TRPC4AP: variants seen among roughly 807,000 people sequenced by gnomAD.
TRPC4AP encodes transient receptor potential cation channel subfamily C member 4 associated protein.
TRPC4AP carries 45 observed loss-of-function variants against 99.0 expected under a neutral mutation model. The ratio of observed to expected loss-of-function variants is 0.45; its 90% CI spans 0.36 to 0.58. The LOEUF is 0.58. TRPC4AP is among the 20% of genes least tolerant of loss of function. The probability of loss-of-function intolerance (pLI) is 0.00; values close to 1 mark genes in which losing one functional copy is unlikely to be tolerated. For missense variants in TRPC4AP, 879 were observed against 985.3 expected (o/e 0.89, Z 1.44); for synonymous variants, 408 against 385.8 (o/e 1.06, Z -0.67).
intron 7 of TRPC4AP, among the ~76,000 whole-genome samples, chr20:35,043,769 G>A (rs918800097): frequency 2.0e-5 from 3 of 152,248 alleles, no homozygotes; most frequent in South Asian, 2.1e-4. Context: ...AGAGTTATAC[G>A]AATGTGGTCT....
intron 15 of TRPC4AP, 66 bp from the exon 16 acceptor site, chr20:35,005,869 G>T: frequency 1.4e-6 from 2 of 1,463,288 alleles, no homozygotes; most frequent in East Asian, 2.3e-5. Flanking sequence ...GGCCCGGGGG[G>T]ATAGTCACTA....
At chr20:35,091,907 C>A (rs1185080270) in intron 1 of TRPC4AP, among the ~76,000 whole-genome samples, 1 of 152,120 alleles carries the variant, frequency 6.6e-6, no homozygotes, top group Non-Finnish European at 1.5e-5. Context: ...ACAGAAAGGT[C>A]ACCTGCCCAA....
chr20:35,092,732 C>G lies in TRPC4AP; in HGVS notation c.50G>C (p.Arg17Pro). 2 of 1,561,294 alleles carry G rather than the reference C, an allele frequency of 1.3e-6. No homozygotes were observed. Among genetic ancestry groups the G allele is most frequent in the Non-Finnish European group, 1.7e-6 (2 of 1,164,972 alleles). Residue 17 changes from arginine to proline, a missense_variant, in exon 1 of 19, where the codon CGG becomes CCG. Physicochemically the swap from Arg to Pro is moderately radical, Grantham distance 103. Transcript: ENST00000252015. ...AAGSGAGRGR[R>P]SAATVAAWGG... ...CCAAGCCGCCACTGTGGCTGCCGAC[C>G]GTCTCCCTCGGCCGGCTCCAGACCC...
chr20:35,089,961 G>C (rs936706688), intron 1 of TRPC4AP, among the ~76,000 whole-genome samples: 1 of 151,286 alleles, frequency 6.6e-6, no homozygotes. Context: ...CTCTACCAAA[G>C]ATACAAAAAT....
chr20:35,003,707 TG>T, intron 17 of TRPC4AP, 91 bp from the exon 18 acceptor site: 1 of 1,409,790 alleles, frequency 7.1e-7, no homozygotes, highest in Non-Finnish European at 9.6e-7. Flanking sequence ...GGGAGGAGAG[TG>T]GCCCCAGGCC....
chr20:35,007,696 C>T, intron 13 of TRPC4AP, 56 bp from the exon 14 acceptor site: 1 of 1,574,784 alleles, frequency 6.4e-7, no homozygotes, highest in Non-Finnish European at 8.7e-7. Context: ...GGCCCATGTT[C>T]AGTTCTCCAA....
At chr20:35,072,313 T>C (rs2084342197) in intron 2 of TRPC4AP, among the ~76,000 whole-genome samples, 1 of 152,250 alleles carries the variant, frequency 6.6e-6, no homozygotes. Context: ...ATTCTGGCTT[T>C]TGTTGCCATT....
intron 3 of TRPC4AP, among the ~76,000 whole-genome samples, chr20:35,058,992 G>T (rs1233724969): frequency 6.6e-6 from 1 of 152,014 alleles, no homozygotes; most frequent in Non-Finnish European, 1.5e-5. Flanking sequence ...CCCGGCCAAA[G>T]AAAATTGTTT....
chr20:35,030,674 T>A (rs1294713420), intron 8 of TRPC4AP, among the ~76,000 whole-genome samples: 7 of 152,246 alleles, frequency 4.6e-5, no homozygotes, highest in Non-Finnish European at 1.0e-4. Flanking sequence ...CAATTTGGTG[T>A]CATGATACTC....
chr20:35,072,724 C>T (rs1167253940), intron 2 of TRPC4AP, among the ~76,000 whole-genome samples: 1 of 152,162 alleles, frequency 6.6e-6, no homozygotes, highest in Non-Finnish European at 1.5e-5. Flanking sequence ...GTGATGCCTC[C>T]AGCTTTGGTT....
chr20:35,087,564 TAC>T (rs1415642075), intron 1 of TRPC4AP, among the ~76,000 whole-genome samples: 1 of 152,202 alleles, frequency 6.6e-6, no homozygotes, highest in African/African-American at 2.4e-5. Context: ...GCCCAGCGTT[TAC>T]TCAGTCTATC....
At chr20:35,035,370 A>T (rs2083294996) in intron 7 of TRPC4AP, 62 bp from the exon 8 acceptor site, 1 of 1,523,338 alleles carries the variant, frequency 6.6e-7, no homozygotes, top group African/African-American at 1.4e-5. Context: ...CTACCCCTAA[A>T]GCCCTAACAA....
chr20:35,058,731 C>G (rs989607203), intron 3 of TRPC4AP, among the ~76,000 whole-genome samples: 3 of 140,264 alleles, frequency 2.1e-5, no homozygotes, highest in African/African-American at 8.2e-5. Context: ...GCTTTGTCTC[C>G]CAGGCTGGAG....
chr20:35,006,764 G>A (rs2082526716), intron 14 of TRPC4AP, among the ~76,000 whole-genome samples, 189 bp from the exon 15 acceptor site: 1 of 152,232 alleles, frequency 6.6e-6, no homozygotes, highest in Non-Finnish European at 1.5e-5. Flanking sequence ...CTCACCAGGA[G>A]GTGGAGCAGA....
intron 7 of TRPC4AP, among the ~76,000 whole-genome samples, chr20:35,037,123 G>A (rs1223275965): frequency 6.6e-6 from 1 of 152,128 alleles, no homozygotes; most frequent in African/African-American, 2.4e-5. Flanking sequence ...GAGGCGGGTG[G>A]ATCACAAGGT....
intron 2 of TRPC4AP, among the ~76,000 whole-genome samples, chr20:35,076,632 C>A (rs1197144439): frequency 6.6e-6 from 1 of 152,160 alleles, no homozygotes; most frequent in African/African-American, 2.4e-5. Context: ...GAAGCTTCAT[C>A]TCAGAGGGGC....
At chr20:35,054,755 C>T (rs984313518) in intron 5 of TRPC4AP, among the ~76,000 whole-genome samples, 1 of 152,200 alleles carries the variant, frequency 6.6e-6, no homozygotes, top group Non-Finnish European at 1.5e-5. Context: ...GAGTTTACTA[C>T]CTGCTGCAGC....
intron 1 of TRPC4AP, 43 bp downstream of exon 1, chr20:35,092,571 G>GCCCC: frequency 4.2e-5 from 28 of 663,074 alleles, no homozygotes; most frequent in Non-Finnish European, 5.0e-5. Context: ...GCCAGCTCCC[G>GCCCC]CCTGGTCCGC....
At chr20:35,061,900 GA>G (rs1489456605) in intron 3 of TRPC4AP, among the ~76,000 whole-genome samples, 2 of 152,104 alleles carry the variant, frequency 1.3e-5, no homozygotes, top group African/African-American at 4.8e-5. Context: ...TCAAGAGAGT[GA>G]AAAGACAGCT....
Sources: allele counts gnomAD v4.1 joint callset (sites outside exome capture counted in the v4.1 genomes callset), GRCh38; gene constraint gnomAD v4.1.1; transcripts MANE v1.5; gene names NCBI Gene and HGNC (gene_info 2026-07-23, HGNC 2026-07-21).